Variants in BCO1 observed in about 807,000 individuals in gnomAD.
BCO1 encodes beta-carotene oxygenase 1, also known as beta,beta-carotene 15,15'-dioxygenase.
Under a neutral mutation model 56.3 loss-of-function variants are expected in BCO1, and 54 were observed. The ratio of observed to expected loss-of-function variants is 0.96; its 90% CI spans 0.77 to 1.20. The LOEUF (loss-of-function observed/expected upper bound fraction) is 1.20, where lower values mean the gene tolerates loss of function less well. Ranked by LOEUF, BCO1 falls within the 50% of genes most tolerant of loss-of-function variation. The pLI, the probability that BCO1 is intolerant of heterozygous loss-of-function variation, is 0.00. For missense variants in BCO1, 801 were observed against 690.9 expected, an observed-to-expected ratio of 1.16 and a Z score of -1.79; for synonymous variants, 318 against 266.1, an observed-to-expected ratio of 1.20 and a Z score of -1.90.
intron 1 of BCO1, among the ~76,000 whole-genome samples, chr16:81,242,147 T>C (rs569941591): frequency 2.7e-5 from 4 of 150,560 alleles, no homozygotes; most frequent in South Asian, 2.1e-4. Flanking sequence ...TGCCTGTGCC[T>C]GGCGCCACGA....
intron 9 of BCO1, among the ~76,000 whole-genome samples, chr16:81,286,783 A>C (rs1262901450): frequency 1.3e-5 from 2 of 151,820 alleles, no homozygotes; most frequent in Non-Finnish European, 2.9e-5. Context: ...CATGTTTAAA[A>C]CTGGGGGAGG....
At chr16:81,282,693 A>G (rs1237936417) in intron 8 of BCO1, among the ~76,000 whole-genome samples, 1 of 151,710 alleles carries the variant, frequency 6.6e-6, no homozygotes, top group African/African-American at 2.4e-5. Context: ...TTTCCTGAGA[A>G]GACCACGCTT....
intron 4 of BCO1, chr16:81,262,588 G>A (rs964519285): frequency 2.7e-6 from 1 of 373,488 alleles, no homozygotes; most frequent in African/African-American, 2.1e-5. Context: ...AGCACTTTGG[G>A]AGGTCAAGGT....
At chr16:81,286,936 G>A (rs1182301602) in intron 9 of BCO1, among the ~76,000 whole-genome samples, 1 of 152,174 alleles carries the variant, frequency 6.6e-6, no homozygotes, top group African/African-American at 2.4e-5. Flanking sequence ...TCAGCCAGGT[G>A]TGGTGGCACA....
chr16:81,244,233 C>T (rs1905266759), intron 1 of BCO1, among the ~76,000 whole-genome samples: 1 of 152,196 alleles, frequency 6.6e-6, no homozygotes, highest in Admixed American at 6.5e-5. Context: ...TCTGCAGCAC[C>T]CTGCCTCTAG....
intron 4 of BCO1, chr16:81,263,098 A>G (rs944950251): frequency 6.7e-6 from 1 of 148,664 alleles, no homozygotes; most frequent in Non-Finnish European, 1.5e-5. Flanking sequence ...TATGTGTCCA[A>G]ATGTTCTGCC....
At chr16:81,256,584 T>G (rs1039037335) in intron 2 of BCO1, among the ~76,000 whole-genome samples, 5 of 152,150 alleles carry the variant, frequency 3.3e-5, no homozygotes, top group African/African-American at 1.2e-4. Flanking sequence ...GGTTTCAAAC[T>G]GCCCAGGAAA....
intron 9 of BCO1, 27 bp from the exon 10 acceptor site, chr16:81,287,268 A>T: frequency 6.7e-7 from 1 of 1,493,828 alleles, no homozygotes. Context: ...CAAGTCATTT[A>T]TGTGTTTTTC....
chr16:81,271,530 T>C (rs1197084643), intron 7 of BCO1, among the ~76,000 whole-genome samples: 1 of 152,122 alleles, frequency 6.6e-6, no homozygotes, highest in Non-Finnish European at 1.5e-5. Flanking sequence ...CCCACACCCC[T>C]TAGCCATCAC....
intron 2 of BCO1, among the ~76,000 whole-genome samples, chr16:81,247,700 A>G (rs935399357): frequency 3.3e-5 from 5 of 151,434 alleles, no homozygotes; most frequent in African/African-American, 4.9e-5. Context: ...CTAATTTTGT[A>G]TTTTTAGTAC....
At position 81,259,896 on chromosome 16, in the gene BCO1, C is replaced by T. The variant is rs1906379103; in HGVS notation, c.323+91C>T. The T allele has an allele frequency of 3.3e-6, 5 of 1,530,936 alleles. No homozygotes were observed. The Admixed American group carries it at 6.7e-5, about 20-fold the overall frequency. The allele number at this position is 1,530,936 out of a possible 1,614,324, so 94.8% of individuals were successfully genotyped here. Reference sequence around the variant, plus strand: ...CAGCATTTGCTCCTCTGACAATTCTCTTTAGGGTAGATGAAAACTCCACAT... The same window carrying T: ...CAGCATTTGCTCCTCTGACAATTCTTTTTAGGGTAGATGAAAACTCCACAT... On this transcript the variant is annotated intron_variant, in intron 3 of 10. Transcript: ENST00000258168.
intron 7 of BCO1, 104 bp downstream of exon 7, chr16:81,270,520 G>A: frequency 2.1e-6 from 3 of 1,431,914 alleles, no homozygotes; most frequent in Non-Finnish European, 2.9e-6. Flanking sequence ...CAAATGAACT[G>A]TTCTTGAAAA....
At chr16:81,269,608 C>T (rs1006599009) in intron 6 of BCO1, among the ~76,000 whole-genome samples, 1 of 152,200 alleles carries the variant, frequency 6.6e-6, no homozygotes, top group African/African-American at 2.4e-5. Context: ...GTTGGGATTA[C>T]AGGCAAGTGC....
At position 81,280,316 on chromosome 16, in the gene BCO1, C is replaced by CAG. The variant is rs1188709273; in HGVS notation, c.1102-540_1102-539insGA. Among the ~76,000 whole-genome samples the CAG allele has an allele frequency of 3.3e-4, 6 of 18,066 alleles. No individual in the cohort carries two copies. In the South Asian group the frequency reaches 0.013, roughly 38 times the overall value. The allele number at this position is 18,066 out of a possible 152,430, so 11.9% of individuals were successfully genotyped here. On this transcript the variant is annotated intron_variant, in intron 7 of 10. Transcript: ENST00000258168. ...AAAAAAAAAAAAAAAAAATTACACACACACACAGACACACACACACACACA... is the reference window on the plus strand; with the variant it reads ...AAAAAAAAAAAAAAAAAATTACACACAGACACACAGACACACACACACACACA...
chr16:81,286,748 T>A (rs924877842), intron 9 of BCO1, among the ~76,000 whole-genome samples: 1 of 152,120 alleles, frequency 6.6e-6, no homozygotes, highest in African/African-American at 2.4e-5. Context: ...TTCTACAGTA[T>A]CAGCTACGTG....
At chr16:81,266,935 G>A (rs964648857) in intron 5 of BCO1, among the ~76,000 whole-genome samples, 3 of 152,184 alleles carry the variant, frequency 2.0e-5, no homozygotes, top group African/African-American at 7.2e-5. Flanking sequence ...TGTTTACAGG[G>A]TGCACAGGTG....
chr16:81,274,458 G>C (rs1266165013), intron 7 of BCO1, among the ~76,000 whole-genome samples: 1 of 151,862 alleles, frequency 6.6e-6, no homozygotes, highest in African/African-American at 2.4e-5. Flanking sequence ...TAGAGACGGG[G>C]TTTCACCGTA....
chr16:81,283,799 G>A (rs994637589), intron 8 of BCO1, among the ~76,000 whole-genome samples: 2 of 151,716 alleles, frequency 1.3e-5, no homozygotes, highest in East Asian at 1.9e-4. Flanking sequence ...AGCAGTTGGC[G>A]GCAACCACCT....
intron 8 of BCO1, among the ~76,000 whole-genome samples, chr16:81,284,325 A>T (rs1243261007): frequency 6.7e-6 from 1 of 149,810 alleles, no homozygotes; most frequent in African/African-American, 2.4e-5. Flanking sequence ...GAGAAAAAAT[A>T]ATATTTTTGA....
Sources: gnomAD v4.1 joint callset for allele counts (sites outside exome capture counted in the v4.1 genomes callset) on GRCh38, gnomAD v4.1.1 for gene constraint, MANE v1.5 for transcripts, NCBI Gene and HGNC (gene_info 2026-07-23, HGNC 2026-07-21) for gene names.